TFDP2: variants seen among roughly 807,000 people sequenced by gnomAD.
TFDP2 encodes the protein transcription factor Dp-2.
TFDP2 carries 17 observed loss-of-function variants against 59.3 expected under a neutral mutation model. The ratio of observed to expected loss-of-function variants is 0.29; its 90% CI spans 0.20 to 0.43. The LOEUF (loss-of-function observed/expected upper bound fraction) is 0.43. TFDP2 is among the 20% of genes least tolerant of loss of function. TFDP2 has a pLI of 1.00. For missense variants in TFDP2, 391 were observed against 528.8 expected, an observed-to-expected ratio of 0.74 and a Z score of 2.56; for synonymous variants, 180 against 194.7, an observed-to-expected ratio of 0.92 and a Z score of 0.63.
intron 3 of TFDP2, among the ~76,000 whole-genome samples, chr3:142,082,831 T>C (rs142633366): frequency 6.6e-6 from 1 of 152,264 alleles, no homozygotes; most frequent in East Asian, 1.9e-4. Flanking sequence ...CGCTTCATGA[T>C]ACAATCCCTA....
At chr3:142,042,291 T>C (rs1322698099) in intron 3 of TFDP2, among the ~76,000 whole-genome samples, 2 of 152,044 alleles carry the variant, frequency 1.3e-5, no homozygotes, top group African/African-American at 2.4e-5. Context: ...ACACTGTAAA[T>C]AGTGTTTCTT....
At chr3:142,146,340 T>G (rs1231930188) in intron 1 of TFDP2, among the ~76,000 whole-genome samples, 1 of 152,130 alleles carries the variant, frequency 6.6e-6, no homozygotes, top group Non-Finnish European at 1.5e-5. Flanking sequence ...AAAATAGGTA[T>G]CATACATACA....
chr3:142,101,720 T>C lies in TFDP2; in HGVS notation c.15+15A>G. The C allele has an allele frequency of 7.4e-7, 1 of 1,354,564 alleles. No homozygotes were observed. Among genetic ancestry groups the C allele is most frequent in the Admixed American group, 2.4e-5 (1 of 41,690 alleles). 83.9% of individuals were successfully genotyped at this position (1,354,564 alleles called of 1,614,324 possible). On this transcript the variant is annotated intron_variant, in intron 2 of 12. Transcript: ENST00000489671. ...TTTAAACAATACTTACATTAAAAAA[T>C]TTACAAATACTTACATTTTTTGCCG...
At chr3:142,033,715 A>T (rs1287601462) in intron 3 of TFDP2, among the ~76,000 whole-genome samples, 1 of 152,220 alleles carries the variant, frequency 6.6e-6, no homozygotes, top group Non-Finnish European at 1.5e-5. Flanking sequence ...CATTAGAGTC[A>T]GAATACTTCA....
At chr3:142,005,836 T>C (rs915236882) in intron 3 of TFDP2, among the ~76,000 whole-genome samples, 25 of 152,272 alleles carry the variant, frequency 1.6e-4, no homozygotes, top group Middle Eastern at 3.4e-3. Context: ...AGTTAGTCTT[T>C]TAGAAGAAAA....
chr3:142,133,365 C>A (rs543578265), intron 1 of TFDP2, among the ~76,000 whole-genome samples: 11 of 149,146 alleles, frequency 7.4e-5, no homozygotes, highest in Non-Finnish European at 1.6e-4. Context: ...TACAGGTGTG[C>A]GCCATCACAC....
At chr3:142,116,204 C>T (rs1366360318) in intron 1 of TFDP2, among the ~76,000 whole-genome samples, 1 of 152,024 alleles carries the variant, frequency 6.6e-6, no homozygotes, top group African/African-American at 2.4e-5. Flanking sequence ...GCTGGGTATA[C>T]AGGCATATAC....
chr3:142,092,372 G>A (rs2061023657), intron 3 of TFDP2, among the ~76,000 whole-genome samples: 2 of 152,126 alleles, frequency 1.3e-5, no homozygotes, highest in African/African-American at 4.8e-5. Context: ...TGTCACCCAG[G>A]CTGGAGTACA....
chr3:142,059,561 G>A (rs1236269321), intron 3 of TFDP2, among the ~76,000 whole-genome samples: 1 of 152,030 alleles, frequency 6.6e-6, no homozygotes, highest in Non-Finnish European at 1.5e-5. Context: ...TTGAGACATA[G>A]TGTCACCGTT....
At chr3:142,103,813 TG>T (rs1335463565) in intron 1 of TFDP2, among the ~76,000 whole-genome samples, 1 of 152,042 alleles carries the variant, frequency 6.6e-6, no homozygotes, top group Admixed American at 6.6e-5. Flanking sequence ...TTCAAAGAAA[TG>T]GGGGCTTCAA....
chr3:142,042,231 G>A (rs890293746), intron 3 of TFDP2, among the ~76,000 whole-genome samples: 4 of 151,706 alleles, frequency 2.6e-5, no homozygotes, highest in African/African-American at 9.7e-5. Context: ...CAACACTATC[G>A]CTTATTGTCT....
chr3:141,971,510 A>G (rs149565990), intron 8 of TFDP2, among the ~76,000 whole-genome samples: 4,406 of 151,922 alleles, frequency 0.029, 196 homozygotes, highest in African/African-American at 0.1. Flanking sequence ...AGATTGCGCC[A>G]CTGAACTCCA....
intron 3 of TFDP2, among the ~76,000 whole-genome samples, chr3:142,059,220 C>T (rs73232655): frequency 0.09 from 13,636 of 151,964 alleles, 708 homozygotes; most frequent in Middle Eastern, 0.14. Flanking sequence ...AGCCCTGAAG[C>T]TTCAGGCCTA....
At chr3:142,127,341 T>A (rs2062312032) in intron 1 of TFDP2, among the ~76,000 whole-genome samples, 1 of 140,838 alleles carries the variant, frequency 7.1e-6, no homozygotes, top group Non-Finnish European at 1.5e-5. Context: ...AGAGTCTCGC[T>A]GTGTTGCCAG....
chr3:142,047,815 C>T (rs981444847), intron 3 of TFDP2, among the ~76,000 whole-genome samples: 1 of 143,776 alleles, frequency 7.0e-6, no homozygotes, highest in Admixed American at 7.3e-5. Context: ...GATCTTGGTT[C>T]ACTGCAACCT....
intron 11 of TFDP2, among the ~76,000 whole-genome samples, chr3:141,955,381 T>C (rs1482856448): frequency 6.6e-6 from 1 of 152,240 alleles, no homozygotes; most frequent in African/African-American, 2.4e-5. Flanking sequence ...CTGAGCCTTT[T>C]CACTGGGAGT....
intron 8 of TFDP2, among the ~76,000 whole-genome samples, chr3:141,971,930 C>T (rs1227995138): frequency 1.3e-5 from 2 of 152,120 alleles, no homozygotes; most frequent in Admixed American, 6.5e-5. Flanking sequence ...GAGGTGTTGC[C>T]AGATTCTAGA....
Position 141,995,139 on chromosome 3 carries a change from A to C in TFDP2, c.189T>G (p.Ile63Met). 1.9e-6 allele frequency: 3 copies of C among 1,583,244 alleles called. No homozygotes were observed. The highest frequency in any genetic ancestry group is 2.6e-6 in the Non-Finnish European group (3 of 1,166,206). ...TGGTTAGTCTCTGTGGTGTGCTTAT[A>C]ATCTGTAAAGTTAGGAACAAAGAAT... ...PINVNVGPQM[I>M]ISTPQRLTSS... The change falls in exon 5 of 13, where the codon ATT (isoleucine) becomes ATG (methionine). Residue 63 changes from isoleucine to methionine, a missense_variant and splice_region_variant. Ile to Met is a conservative substitution (Grantham distance 10). This residue lies in a region of TFDP2 where 162 missense variants were observed against 206.8 expected (regional missense o/e 0.78). Coordinates refer to ENST00000489671, the MANE Select transcript of TFDP2 (RefSeq NM_001178139.2).
rs1936342590 is a variant in TFDP2 at position 141,954,614 on chromosome 3, GTGAC to G, written c.1052-1602_1052-1599del. 2.0e-5 allele frequency among the ~76,000 whole-genome samples: 3 copies of G among 146,342 alleles called. No homozygotes were observed. In the Admixed American group the frequency reaches 2.1e-4, roughly 10 times the overall value. ...ATCGTGCCACTGCACTCCAGCCTGA[GTGAC>G]TGTCTCAAAAAAAACAAAAAAAAAC... On this transcript the variant is annotated intron_variant, in intron 11 of 12. Transcript: ENST00000489671.
Sources: allele counts gnomAD v4.1 joint callset (sites outside exome capture counted in the v4.1 genomes callset), GRCh38; gene constraint gnomAD v4.1.1; regional missense constraint gnomAD v4.1.1; transcripts MANE v1.5; gene names NCBI Gene and HGNC (gene_info 2026-07-23, HGNC 2026-07-21).